SP4: variants seen among roughly 807,000 people sequenced by gnomAD.
SP4 encodes the protein Sp4 transcription factor.
Under a neutral mutation model 72.8 loss-of-function variants are expected in SP4, and 19 were observed. The ratio of observed to expected loss-of-function variants is 0.26; its 90% CI spans 0.18 to 0.38. SP4 has a LOEUF of 0.38. SP4 is among the 10% of genes least tolerant of loss of function. SP4 has a pLI of 1.00. For synonymous variants in SP4, 395 were observed against 333.1 expected, an observed-to-expected ratio of 1.19 and a Z score of -2.02; for missense variants, 1,008 against 926.3, an observed-to-expected ratio of 1.09 and a Z score of -1.14.
rs35493152 is a variant in SP4 at position 21,493,559 on chromosome 7, A to G, written c.2107+11436A>G. On this transcript the variant is annotated intron_variant, in intron 5 of 5. Coordinates refer to ENST00000222584, the MANE Select transcript of SP4 (RefSeq NM_003112.5). ...AAAGAGTAGAAATAAAAAGAATGCT[A>G]TGCATAACTCTACAACCTAAATTTG... Among the ~76,000 whole-genome samples, 343 of 152,320 alleles carry G rather than the reference A, an allele frequency of 2.3e-3. 2 individuals carry two copies. The highest frequency in any genetic ancestry group is 3.6e-3 in the Non-Finnish European group (243 of 68,020).
At chr7:21,458,983 A>G (rs1038220260) in intron 3 of SP4, among the ~76,000 whole-genome samples, 5 of 152,202 alleles carry the variant, frequency 3.3e-5, no homozygotes, top group African/African-American at 7.2e-5. Context: ...CTATGCAGCT[A>G]TTTTAAGCTA....
chr7:21,508,913 A>G (rs1260737614), intron 5 of SP4, among the ~76,000 whole-genome samples: 1 of 148,476 alleles, frequency 6.7e-6, no homozygotes, highest in Admixed American at 6.9e-5. Context: ...GTTGATTTAT[A>G]TAATTAATGG....
intron 3 of SP4, among the ~76,000 whole-genome samples, chr7:21,470,679 C>T (rs1784307294): frequency 6.9e-6 from 1 of 145,526 alleles, no homozygotes; most frequent in Non-Finnish European, 1.5e-5. Context: ...GAATAGTTAG[C>T]AATTCAGATG....
intron 3 of SP4, among the ~76,000 whole-genome samples, chr7:21,469,878 A>G (rs1160489889): frequency 6.6e-6 from 1 of 151,484 alleles, no homozygotes; most frequent in East Asian, 2.0e-4. Flanking sequence ...TAATATTTTT[A>G]TAATACTCTT....
chr7:21,511,831 A>C lies in SP4; in HGVS notation c.*562A>C, dbSNP rs1782147979. 6.5e-6 allele frequency: 1 copy of C among 154,618 alleles called. No individual in the cohort carries two copies. The highest frequency in any genetic ancestry group is 6.4e-5 in the Admixed American group (1 of 15,720). 9.6% of individuals were successfully genotyped at this position (154,618 alleles called of 1,614,324 possible). A position where few individuals can be genotyped will look rare whatever the true frequency, so the allele number is the denominator to read the frequency against. ...AGTTGAATTAGGTAAGTTCCAAAAC[A>C]GTAATCTGAGATGCATCTCAGATCT... is the stretch of plus-strand genomic sequence containing the variant. On this transcript the variant is annotated 3_prime_UTR_variant, in exon 6 of 6. Coordinates refer to ENST00000222584, the MANE Select transcript of SP4 (RefSeq NM_003112.5).
chr7:21,492,199 A>G (rs1352230796), intron 5 of SP4, among the ~76,000 whole-genome samples: 3 of 152,208 alleles, frequency 2.0e-5, no homozygotes, highest in Non-Finnish European at 4.4e-5. Flanking sequence ...CTCTGATAAT[A>G]TAGAAGTTGT....
Position 21,512,071 on chromosome 7 carries a change from G to T in SP4, c.*802G>T, listed in dbSNP as rs1367832677. The T allele has an allele frequency of 6.6e-6, 1 of 152,532 alleles. No individual in the cohort carries two copies. Among genetic ancestry groups the T allele is most frequent in the Non-Finnish European group, 1.5e-5 (1 of 67,988 alleles). 9.4% of individuals were successfully genotyped at this position (152,532 alleles called of 1,614,324 possible). On this transcript the variant is annotated 3_prime_UTR_variant, in exon 6 of 6. Coordinates refer to ENST00000222584, the MANE Select transcript of SP4 (RefSeq NM_003112.5). ...GCATCTTAACATGCAATGTTCTAAA[G>T]TTAGGATTGATTATATTCCTAACCC...
chr7:21,511,403 G>C lies in SP4; in HGVS notation c.*134G>C. The C allele has an allele frequency of 1.1e-6, 1 of 925,722 alleles. No individual in the cohort carries two copies. Among genetic ancestry groups the C allele is most frequent in the Non-Finnish European group, 1.6e-6 (1 of 624,710 alleles). The allele number at this position is 925,722 out of a possible 1,614,324, so 57.3% of individuals were successfully genotyped here. On this transcript the variant is annotated 3_prime_UTR_variant, in exon 6 of 6. Coordinates refer to ENST00000222584, the MANE Select transcript of SP4 (RefSeq NM_003112.5). ...TCTTGGCTTCTTTAAGTATTCCAGG[G>C]TTTGGGGTCAACACGTGAAGTGTTG...
At chr7:21,453,077 C>T (rs567730082) in intron 3 of SP4, among the ~76,000 whole-genome samples, 196 of 152,306 alleles carry the variant, frequency 1.3e-3, no homozygotes, top group African/African-American at 4.5e-3. Flanking sequence ...CGTGCCCGAC[C>T]TACTCAATTG....
intron 5 of SP4, among the ~76,000 whole-genome samples, chr7:21,496,988 G>A (rs1781724578): frequency 6.6e-6 from 1 of 152,194 alleles, no homozygotes; most frequent in African/African-American, 2.4e-5. Context: ...TATGTCACAG[G>A]TTTTTAAAGC....
At chr7:21,509,920 C>A (rs1191093704) in intron 5 of SP4, among the ~76,000 whole-genome samples, 1 of 152,072 alleles carries the variant, frequency 6.6e-6, no homozygotes, top group African/African-American at 2.4e-5. Context: ...GCTGGGGAGG[C>A]CTCACAATCA....
chr7:21,502,134 T>C (rs1446935879), intron 5 of SP4, among the ~76,000 whole-genome samples: 1 of 150,822 alleles, frequency 6.6e-6, no homozygotes, highest in African/African-American at 2.4e-5. Context: ...GTGTGTATTT[T>C]CGGGTATCTT....
chr7:21,431,962 G>A (rs1782870577), intron 3 of SP4, among the ~76,000 whole-genome samples: 3 of 152,220 alleles, frequency 2.0e-5, no homozygotes, highest in South Asian at 4.1e-4. Context: ...TAAATTGCCA[G>A]ATAAAGCCTT....
At chr7:21,480,624 C>T (rs1182423421) in intron 4 of SP4, among the ~76,000 whole-genome samples, 1 of 152,164 alleles carries the variant, frequency 6.6e-6, no homozygotes, top group African/African-American at 2.4e-5. Context: ...CTTTCTTGGT[C>T]AGTCTAGCTA....
At chr7:21,476,189 G>C (rs1419274691) in intron 3 of SP4, among the ~76,000 whole-genome samples, 2 of 146,168 alleles carry the variant, frequency 1.4e-5, no homozygotes, top group Non-Finnish European at 3.0e-5. Flanking sequence ...AAGAAGAATT[G>C]CTTGAACCCA....
chr7:21,512,348 G>C lies in SP4; in HGVS notation c.*1079G>C, dbSNP rs1385515778. The C allele has an allele frequency of 2.0e-5, 3 of 152,370 alleles. No homozygotes were observed. The highest frequency in any genetic ancestry group is 7.3e-5 in the African/African-American group (3 of 41,350). The allele number at this position is 152,370 out of a possible 1,614,324, so 9.4% of individuals were successfully genotyped here. A position where few individuals can be genotyped will look rare whatever the true frequency, so the allele number is the denominator to read the frequency against. On this transcript the variant is annotated 3_prime_UTR_variant, in exon 6 of 6. Coordinates refer to ENST00000222584, the MANE Select transcript of SP4 (RefSeq NM_003112.5). Reference sequence around the variant, plus strand: ...ATTGGCCAGTCCCATTTTATTTCTAGTGCTATGTAAGAAGGTAATTAGGAA... The same window carrying C: ...ATTGGCCAGTCCCATTTTATTTCTACTGCTATGTAAGAAGGTAATTAGGAA...
intron 3 of SP4, among the ~76,000 whole-genome samples, chr7:21,461,794 C>A (rs1267606472): frequency 1.3e-5 from 2 of 152,130 alleles, no homozygotes; most frequent in Non-Finnish European, 2.9e-5. Context: ...ACGCTGTCAC[C>A]TCTCAATAGG....
At chr7:21,463,489 G>A (rs920354208) in intron 3 of SP4, among the ~76,000 whole-genome samples, 4 of 152,216 alleles carry the variant, frequency 2.6e-5, no homozygotes, top group African/African-American at 9.7e-5. Flanking sequence ...ATCAGGTGTG[G>A]CAGAAGTTCA....
At chr7:21,455,637 G>C (rs573029718) in intron 3 of SP4, among the ~76,000 whole-genome samples, 12 of 152,156 alleles carry the variant, frequency 7.9e-5, no homozygotes, top group Non-Finnish European at 1.6e-4. Context: ...TATGAACAGG[G>C]CCCCCCAGTT....
Sources: allele counts gnomAD v4.1 joint callset (sites outside exome capture counted in the v4.1 genomes callset), GRCh38; gene constraint gnomAD v4.1.1; transcripts MANE v1.5; gene names NCBI Gene and HGNC (gene_info 2026-07-23, HGNC 2026-07-21).